SEMA5A: variants seen among roughly 807,000 people sequenced by gnomAD.
SEMA5A encodes semaphorin 5A, also known as semaphorin-5A.
SEMA5A carries 55 observed loss-of-function variants against 135.5 expected under a neutral mutation model. That is an observed-to-expected ratio of 0.41 (90% confidence interval 0.33 to 0.51). The LOEUF (loss-of-function observed/expected upper bound fraction) is 0.51, where lower values mean the gene tolerates loss of function less well. SEMA5A is among the 20% of genes least tolerant of loss of function. The probability of loss-of-function intolerance (pLI) is 0.37; values close to 1 mark genes in which losing one functional copy is unlikely to be tolerated. For missense variants in SEMA5A, 1,290 were observed against 1,419.9 expected, an observed-to-expected ratio of 0.91 and a Z score of 1.47; for synonymous variants, 580 against 546.5, an observed-to-expected ratio of 1.06 and a Z score of -0.85.
chr5:9,444,895 G>A (rs1309495040), intron 1 of SEMA5A, among the ~76,000 whole-genome samples: 2 of 152,196 alleles, frequency 1.3e-5, no homozygotes, highest in African/African-American at 4.8e-5. Context: ...CCCCAGCCAA[G>A]CTGTGCACAG....
At chr5:9,239,233 A>C (rs972221856) in intron 5 of SEMA5A, among the ~76,000 whole-genome samples, 2 of 152,274 alleles carry the variant, frequency 1.3e-5, no homozygotes, top group Non-Finnish European at 2.9e-5. Context: ...CCTTGTGCAG[A>C]CTTGAAGATT....
intron 8 of SEMA5A, among the ~76,000 whole-genome samples, chr5:9,223,373 A>G (rs1747109825): frequency 6.6e-6 from 1 of 152,212 alleles, no homozygotes; most frequent in African/African-American, 2.4e-5. Flanking sequence ...GGTTTTGCAT[A>G]TATGATGAGT....
Position 9,201,979 on chromosome 5 carries a change from A to C in SEMA5A, c.908T>G (p.Ile303Ser). ...STFFLPELDL[I>S]YGIFTTNVNS... ...CACATTGGTGGTAAAGATGCCATAG[A>C]TCAAATCCAGCTCAGGCAGGAAGAA... is the stretch of plus-strand genomic sequence containing the variant. Residue 303 changes from isoleucine to serine, a missense_variant, in exon 9 of 23, where the codon ATC becomes AGC. Around this residue, in one of 3 missense-constraint regions of SEMA5A, gnomAD observed 1,029 missense variants for 1,086.6 expected, o/e 0.95. Coordinates refer to ENST00000382496, the MANE Select transcript of SEMA5A (RefSeq NM_003966.3). The C allele has an allele frequency of 6.2e-7, 1 of 1,614,184 alleles. No homozygotes were observed. The highest frequency in any genetic ancestry group is 8.5e-7 in the Non-Finnish European group (1 of 1,180,024).
At chr5:9,264,315 AAAG>A (rs1215844524) in intron 5 of SEMA5A, among the ~76,000 whole-genome samples, 2 of 152,188 alleles carry the variant, frequency 1.3e-5, no homozygotes, top group Non-Finnish European at 2.9e-5. Context: ...AAGAAAGGAA[AAAG>A]AAGGCCAGGA....
intron 5 of SEMA5A, among the ~76,000 whole-genome samples, chr5:9,241,420 C>A (rs929669363): frequency 6.6e-6 from 1 of 151,820 alleles, no homozygotes; most frequent in Non-Finnish European, 1.5e-5. Context: ...TCAGCCTAGA[C>A]AGAATTATGT....
chr5:9,509,898 G>A (rs996348314), intron 1 of SEMA5A, among the ~76,000 whole-genome samples: 8 of 152,086 alleles, frequency 5.3e-5, no homozygotes, highest in Admixed American at 3.9e-4. Context: ...AATCATGAAC[G>A]CTATTGGAGA....
chr5:9,120,221 AG>A (rs1740739394), intron 14 of SEMA5A, among the ~76,000 whole-genome samples: 1 of 152,230 alleles, frequency 6.6e-6, no homozygotes, highest in East Asian at 1.9e-4. Flanking sequence ...TTCATCCATA[AG>A]ATTTACATTT....
chr5:9,520,946 C>A (rs527763686), intron 1 of SEMA5A, among the ~76,000 whole-genome samples: 58 of 152,316 alleles, frequency 3.8e-4, no homozygotes, highest in African/African-American at 1.4e-3. Flanking sequence ...GTGAGGAAGT[C>A]AGAATAGAGC....
chr5:9,440,442 C>T (rs2126678157), intron 1 of SEMA5A, among the ~76,000 whole-genome samples: 1 of 152,248 alleles, frequency 6.6e-6, no homozygotes, highest in East Asian at 1.9e-4. Flanking sequence ...TCCATATTAT[C>T]CTTATTCTTT....
At chr5:9,419,907 G>A (rs533214601) in intron 2 of SEMA5A, among the ~76,000 whole-genome samples, 84 of 152,240 alleles carry the variant, frequency 5.5e-4, no homozygotes, top group African/African-American at 1.9e-3. Context: ...ACAGAGAAAA[G>A]TTATGTCTAG....
At chr5:9,532,462 A>G (rs1036845721) in intron 1 of SEMA5A, among the ~76,000 whole-genome samples, 4 of 81,346 alleles carry the variant, frequency 4.9e-5, no homozygotes, top group Non-Finnish European at 7.9e-5. Context: ...TTTTTTTTGT[A>G]TTTTTAGTAG....
intron 11 of SEMA5A, among the ~76,000 whole-genome samples, chr5:9,182,166 A>AT (rs1315345758): frequency 7.1e-6 from 1 of 141,162 alleles, no homozygotes; most frequent in African/African-American, 2.7e-5. Flanking sequence ...ACCCCAAAAA[A>AT]AAATACGCTT....
At chr5:9,051,832 G>A (rs1736593994) in intron 20 of SEMA5A, 41 bp downstream of exon 20, 5 of 1,610,602 alleles carry the variant, frequency 3.1e-6, no homozygotes, top group Non-Finnish European at 3.4e-6. Context: ...CTCCATGTTG[G>A]AAATGATTTT....
intron 1 of SEMA5A, among the ~76,000 whole-genome samples, chr5:9,510,462 T>C (rs563144095): frequency 1.3e-5 from 2 of 152,218 alleles, no homozygotes; most frequent in Non-Finnish European, 2.9e-5. Flanking sequence ...AAATAACGCA[T>C]TTTGGAAACT....
At chr5:9,314,803 T>C (rs137992527) in intron 5 of SEMA5A, among the ~76,000 whole-genome samples, 4 of 152,220 alleles carry the variant, frequency 2.6e-5, no homozygotes, top group East Asian at 3.9e-4. Context: ...AAAAGCAGAA[T>C]TGCCCTGCTT....
chr5:9,229,717 ACTTTTT>A (rs1352733424), intron 6 of SEMA5A, among the ~76,000 whole-genome samples: 2 of 151,664 alleles, frequency 1.3e-5, no homozygotes, highest in Non-Finnish European at 2.9e-5. Flanking sequence ...ATGTAATAAA[ACTTTTT>A]CCTTTAAAAA....
At chr5:9,060,444 G>A (rs924874373) in intron 18 of SEMA5A, among the ~76,000 whole-genome samples, 1 of 152,124 alleles carries the variant, frequency 6.6e-6, no homozygotes, top group African/African-American at 2.4e-5. Context: ...ACAAGGGTGG[G>A]TGGAGGGACC....
chr5:9,145,127 T>C (rs1742263259), intron 12 of SEMA5A, among the ~76,000 whole-genome samples: 1 of 152,150 alleles, frequency 6.6e-6, no homozygotes, highest in Admixed American at 6.5e-5. Flanking sequence ...CAACATAGTG[T>C]GCAGAAAGTG....
At chr5:9,526,895 A>G (rs1737152885) in intron 1 of SEMA5A, among the ~76,000 whole-genome samples, 1 of 152,196 alleles carries the variant, frequency 6.6e-6, no homozygotes, top group Admixed American at 6.5e-5. Flanking sequence ...AAGATGCTGG[A>G]GTTTTTAACT....
Sources: gnomAD v4.1 joint callset for allele counts (sites outside exome capture counted in the v4.1 genomes callset) on GRCh38, gnomAD v4.1.1 for gene constraint, gnomAD v4.1.1 regional missense constraint, MANE v1.5 for transcripts, NCBI Gene and HGNC (gene_info 2026-07-23, HGNC 2026-07-21) for gene names.